Variants in RALYL observed in about 807,000 individuals in gnomAD.
RALYL encodes the protein RALY RNA binding protein like.
A neutral mutation model predicts 35.1 loss-of-function variants in RALYL; 29 were observed. That is an observed-to-expected ratio of 0.83 (90% CI 0.61 to 1.13). The LOEUF (loss-of-function observed/expected upper bound fraction) is 1.13. RALYL is among the 50% of genes most tolerant of loss of function. The probability of loss-of-function intolerance (pLI) is 0.00; values close to 1 mark genes in which losing one functional copy is unlikely to be tolerated. For missense variants in RALYL, 359 were observed against 360.4 expected, an observed-to-expected ratio of 1.00 and a Z score of 0.03; for synonymous variants, 120 against 127.6, an observed-to-expected ratio of 0.94 and a Z score of 0.40.
intron 1 of RALYL, among the ~76,000 whole-genome samples, chr8:84,419,728 G>C (rs1203546435): frequency 4.8e-5 from 6 of 124,890 alleles, no homozygotes; most frequent in Admixed American, 1.1e-4. Flanking sequence ...CCCAGAGTGT[G>C]ATATTCCCCT....
At chr8:84,725,054 A>G (rs1044668129) in intron 2 of RALYL, among the ~76,000 whole-genome samples, 4 of 151,618 alleles carry the variant, frequency 2.6e-5, no homozygotes, top group African/African-American at 9.7e-5. Flanking sequence ...AGGTGGTTAT[A>G]TATATTTCAA....
chr8:84,762,091 C>A (rs537521391), intron 2 of RALYL, among the ~76,000 whole-genome samples: 2 of 151,858 alleles, frequency 1.3e-5, no homozygotes, highest in Non-Finnish European at 2.9e-5. Context: ...GCAAGGAGAC[C>A]AGAATAGCTA....
chr8:84,813,043 G>C (rs1220010675), intron 4 of RALYL, among the ~76,000 whole-genome samples: 2 of 152,170 alleles, frequency 1.3e-5, no homozygotes, highest in African/African-American at 4.8e-5. Context: ...TGTGGTGCCA[G>C]GCAGGAATGG....
At chr8:84,631,886 TA>T (rs1241235784) in intron 2 of RALYL, among the ~76,000 whole-genome samples, 1 of 152,042 alleles carries the variant, frequency 6.6e-6, no homozygotes, top group Non-Finnish European at 1.5e-5. Flanking sequence ...GACATTTTAT[TA>T]ATCTAAATTG....
At chr8:84,272,637 A>G (rs1187572826) in intron 1 of RALYL, among the ~76,000 whole-genome samples, 2 of 152,224 alleles carry the variant, frequency 1.3e-5, no homozygotes, top group Non-Finnish European at 2.9e-5. Context: ...TAACAGAACT[A>G]TATAGCAAGT....
chr8:84,288,809 A>C (rs915183137), intron 1 of RALYL, among the ~76,000 whole-genome samples: 4 of 152,320 alleles, frequency 2.6e-5, no homozygotes, highest in African/African-American at 9.6e-5. Flanking sequence ...TAGTATAATT[A>C]GATATTTAAA....
At chr8:84,860,217 C>G (rs1022284182) in intron 5 of RALYL, among the ~76,000 whole-genome samples, 1 of 152,194 alleles carries the variant, frequency 6.6e-6, no homozygotes, top group African/African-American at 2.4e-5. Context: ...TACTATAGCA[C>G]TCTTACATCA....
intron 1 of RALYL, among the ~76,000 whole-genome samples, chr8:84,445,984 G>T (rs2048810124): frequency 6.6e-6 from 1 of 151,418 alleles, no homozygotes; most frequent in Admixed American, 6.6e-5. Context: ...TAAAAATATT[G>T]ATTTTCAAAT....
intron 2 of RALYL, among the ~76,000 whole-genome samples, chr8:84,693,517 C>T (rs1838502394): frequency 6.6e-6 from 1 of 151,820 alleles, no homozygotes; most frequent in Admixed American, 6.6e-5. Flanking sequence ...ATGGGAAAAA[C>T]AATTGAAGAT....
chr8:84,608,812 G>T (rs13281122), intron 2 of RALYL, among the ~76,000 whole-genome samples: 19 of 152,158 alleles, frequency 1.2e-4, no homozygotes, highest in Non-Finnish European at 2.6e-4. Context: ...CCTTGGTTCA[G>T]TTTAGCTCAG....
intron 1 of RALYL, among the ~76,000 whole-genome samples, chr8:84,233,966 C>A (rs1313510183): frequency 6.6e-6 from 1 of 152,116 alleles, no homozygotes; most frequent in African/African-American, 2.4e-5. Flanking sequence ...TAAGGATGTG[C>A]AGTGAGCTTT....
intron 2 of RALYL, among the ~76,000 whole-genome samples, chr8:84,669,897 T>C (rs1832877089): frequency 6.6e-6 from 1 of 152,188 alleles, no homozygotes; most frequent in Non-Finnish European, 1.5e-5. Context: ...CATCTGTTTG[T>C]AAATAGAGCA....
intron 7 of RALYL, among the ~76,000 whole-genome samples, chr8:84,876,786 TAGAG>T (rs1841238149): frequency 6.6e-6 from 1 of 152,136 alleles, no homozygotes; most frequent in Non-Finnish European, 1.5e-5. Flanking sequence ...ACTTACGTCT[TAGAG>T]AGGTTACAAG....
chr8:84,513,632 T>A (rs2134462029), intron 1 of RALYL, among the ~76,000 whole-genome samples: 1 of 152,318 alleles, frequency 6.6e-6, no homozygotes, highest in Admixed American at 6.5e-5. Context: ...TTTTATTATC[T>A]TGTTATATTT....
At position 84,427,727 on chromosome 8, in the gene RALYL, G is replaced by A. The variant is rs986219153; in HGVS notation, c.-23-101572G>A. ...CCTGTTCTACTGCTATCTGAGACGC[G>A]TTCTTTAAGTAACCTAGCCAGGTTA... On this transcript the variant is annotated intron_variant, in intron 1 of 8. Transcript: ENST00000521268. 5.3e-5 allele frequency among the ~76,000 whole-genome samples: 8 copies of A among 152,054 alleles called. 1 individual carries two copies. The highest frequency in any genetic ancestry group is 4.1e-4 in the South Asian group (2 of 4,824).
intron 1 of RALYL, among the ~76,000 whole-genome samples, chr8:84,366,146 G>T (rs1339117315): frequency 6.6e-6 from 1 of 152,164 alleles, no homozygotes; most frequent in Non-Finnish European, 1.5e-5. Flanking sequence ...TTCAGATTCT[G>T]CTGTGGAAGG....
chr8:84,581,724 TA>T (rs1810881898), intron 2 of RALYL, among the ~76,000 whole-genome samples: 1 of 152,140 alleles, frequency 6.6e-6, no homozygotes, highest in Non-Finnish European at 1.5e-5. Context: ...TATAGGATAT[TA>T]ATAGTATATC....
intron 1 of RALYL, among the ~76,000 whole-genome samples, chr8:84,329,081 T>C (rs118013095): frequency 0.025 from 3,768 of 152,280 alleles, 96 homozygotes; most frequent in Non-Finnish European, 0.031. Flanking sequence ...AGTGCATTTA[T>C]CTTTTTGGTG....
Position 84,764,668 on chromosome 8 carries a change from C to T in RALYL, c.257-9911C>T, listed in dbSNP as rs1454473887. ...GATCTCTACATTAGCATTCTAATAACCAGAGGCCAACGTGCCATAGTGCTG... is the reference window on the plus strand; with the variant it reads ...GATCTCTACATTAGCATTCTAATAATCAGAGGCCAACGTGCCATAGTGCTG... On this transcript the variant is annotated intron_variant, in intron 2 of 8. Coordinates refer to ENST00000521268, the MANE Select transcript of RALYL (RefSeq NM_173848.7). Among the ~76,000 whole-genome samples, 4 of 152,284 alleles carry T rather than the reference C, an allele frequency of 2.6e-5. No individual in the cohort carries two copies. In the East Asian group the frequency reaches 5.8e-4, roughly 22 times the overall value.
Sources: allele counts gnomAD v4.1 joint callset (sites outside exome capture counted in the v4.1 genomes callset), GRCh38; gene constraint gnomAD v4.1.1; transcripts MANE v1.5; gene names NCBI Gene and HGNC (gene_info 2026-07-23, HGNC 2026-07-21).